Variants in DISP3 observed in about 807,000 individuals in gnomAD.
DISP3 encodes protein dispatched homolog 3.
In DISP3, 101 loss-of-function variants were observed where a neutral mutation model predicts 135.3. That is an observed-to-expected ratio of 0.75 (90% CI 0.64 to 0.88). The LOEUF (loss-of-function observed/expected upper bound fraction) is 0.88. Ranked by LOEUF, DISP3 falls within the 40% of genes least tolerant of loss-of-function variation. DISP3 has a pLI of 0.00. For missense variants in DISP3, 1,713 were observed against 1,878.6 expected, an observed-to-expected ratio of 0.91 and a Z score of 1.63; for synonymous variants, 856 against 817.0, an observed-to-expected ratio of 1.05 and a Z score of -0.81.
chr1:11,509,719 T>A (rs370799802), intron 3 of DISP3, among the ~76,000 whole-genome samples: 3 of 152,246 alleles, frequency 2.0e-5, no homozygotes, highest in East Asian at 1.9e-4. Context: ...TTGGTTCATG[T>A]TAGCATGGTA....
chr1:11,495,241 A>T (rs1218118563), intron 1 of DISP3, among the ~76,000 whole-genome samples: 1 of 152,072 alleles, frequency 6.6e-6, no homozygotes, highest in African/African-American at 2.4e-5. Flanking sequence ...AAATACAAAA[A>T]TTAGCCAGGC....
In DISP3 at chr1:11,525,205, G is replaced by A; in HGVS notation, c.2506G>A (p.Val836Met). Residue 836 changes from valine (V) to methionine (M), a missense_variant, in exon 12 of 21, where the codon GTG (valine) becomes ATG (methionine). This residue lies in a region of DISP3 where 1,142 missense variants were observed against 1,384.6 expected (regional missense o/e 0.82). Transcript: ENST00000294484. ...DFPGTVYISK[V>M]KSQGHPAVYR... The stretch of plus-strand genomic sequence containing the variant: ...CCCAGGCACCGTGTACATCTCTAAA[G>A]TGAAGAGTCAAGGCCACCCCGCTGT... 4 of 1,614,074 alleles carry A rather than the reference G, an allele frequency of 2.5e-6. No individual in the cohort carries two copies. Among genetic ancestry groups the A allele is most frequent in the Non-Finnish European group, 3.4e-6 (4 of 1,179,952 alleles).
chr1:11,502,797 C>T lies in DISP3; in HGVS notation c.1216C>T (p.Pro406Ser). ...TGAGATCCTGTTTGGAGCACCCCTG[C>T]CCAACTACTACTCAGTAGATGACCG... is the stretch of plus-strand genomic sequence containing the variant. The part of the protein sequence containing the change: ...RSEILFGAPL[P>S]NYYSVDDRWE... Residue 406 changes from proline to serine, a missense_variant, in exon 3 of 21, where the codon CCC (proline) becomes TCC (serine). Around this residue, in one of 2 missense-constraint regions of DISP3, gnomAD observed 1,142 missense variants for 1,384.6 expected, o/e 0.82. Transcript: ENST00000294484. The T allele has an allele frequency of 6.2e-7, 1 of 1,614,222 alleles. No homozygotes were observed. Among genetic ancestry groups the T allele is most frequent in the African/African-American group, 1.3e-5 (1 of 75,048 alleles).
At position 11,496,942 on chromosome 1, in the gene DISP3, G is replaced by A. The variant is rs138359378; in HGVS notation, c.-3-4048G>A. On this transcript the variant is annotated intron_variant, in intron 1 of 20. Coordinates refer to ENST00000294484, the MANE Select transcript of DISP3 (RefSeq NM_020780.2). The stretch of plus-strand genomic sequence containing the variant: ...AAAGCTGGTGGCTGGGCCAGGCCTG[G>A]AGACACGTGGGTTGACCACCAGTCT... Among the ~76,000 whole-genome samples, 3 of 152,366 alleles carry A rather than the reference G, an allele frequency of 2.0e-5. No individual in the cohort carries two copies. The East Asian group carries it at 5.8e-4, about 29-fold the overall frequency.
intron 12 of DISP3, 118 bp from the exon 13 acceptor site, chr1:11,526,532 TC>T: frequency 8.3e-7 from 1 of 1,207,932 alleles, no homozygotes; most frequent in East Asian, 2.4e-5. Context: ...TGTCCCCAAC[TC>T]CGAGGACTGG....
In DISP3 at chr1:11,501,941, A is replaced by C; in HGVS notation, c.949A>C (p.Lys317Gln). ...DHPGFREFCW[K>Q]PHEVLKDLPL... ...CCCAGGCTTCCGGGAGTTCTGCTGGAAGCCCCACGAGGTGCTCAAGGATCT... is the reference window on the plus strand; with the variant it reads ...CCCAGGCTTCCGGGAGTTCTGCTGGCAGCCCCACGAGGTGCTCAAGGATCT... The change falls in exon 2 of 21, where the codon AAG becomes CAG. Residue 317 changes from lysine to glutamine, a missense_variant. Physicochemically the swap from Lys to Gln is moderately conservative, Grantham distance 53. Transcript: ENST00000294484. This position sits in a 1 kb window ranked among gnomAD's most constrained non-coding sequence, Gnocchi z 4.9. 1 of 1,613,728 alleles carries C rather than the reference A, an allele frequency of 6.2e-7. No homozygotes were observed.
intron 10 of DISP3, 89 bp from the exon 11 acceptor site, chr1:11,523,853 C>A: frequency 9.4e-7 from 1 of 1,067,832 alleles, no homozygotes; most frequent in Non-Finnish European, 1.4e-6. Context: ...CTGAGACTGT[C>A]TCAGATCCCA....
chr1:11,515,945 C>G, intron 5 of DISP3, 56 bp from the exon 6 acceptor site: 1 of 1,587,552 alleles, frequency 6.3e-7, no homozygotes, highest in Non-Finnish European at 8.6e-7. Flanking sequence ...CAGGTTGGGC[C>G]TAATCCTGGA....
At chr1:11,490,627 T>C (rs985758044) in intron 1 of DISP3, among the ~76,000 whole-genome samples, 2 of 152,134 alleles carry the variant, frequency 1.3e-5, no homozygotes, top group African/African-American at 4.8e-5. Flanking sequence ...AAGGCTGCTT[T>C]GTGGGCTCCA....
intron 15 of DISP3, 69 bp from the exon 16 acceptor site, chr1:11,530,838 G>A (rs1642557092): frequency 1.9e-6 from 3 of 1,590,440 alleles, no homozygotes; most frequent in African/African-American, 2.7e-5. Flanking sequence ...CAGGGTTGGG[G>A]GTGAGCACCC....
intron 1 of DISP3, among the ~76,000 whole-genome samples, chr1:11,481,038 T>TTC (rs368929945): frequency 0.027 from 3,569 of 129,800 alleles, 63 homozygotes; most frequent in Non-Finnish European, 0.039. Context: ...TCCCCCAGGT[T>TTC]TCTCTCTCTC....
At position 11,501,803 on chromosome 1, in the gene DISP3, G is replaced by A. The variant is rs1377407144; in HGVS notation, c.811G>A (p.Ala271Thr). Residue 271 changes from alanine to threonine, a missense_variant, in exon 2 of 21, where the codon GCG (alanine) becomes ACG (threonine). Physicochemically the swap from Ala to Thr is moderately conservative, Grantham distance 58. Coordinates refer to ENST00000294484, the MANE Select transcript of DISP3 (RefSeq NM_020780.2). The surrounding 1 kb of genome is among the most constrained non-coding windows in gnomAD (Gnocchi z 4.9). ...TGTGAGTGCCAACACTCAGACGCAC[G>A]CGCACTGGCGCATCGAGCTCATCTT... is the stretch of plus-strand genomic sequence containing the variant. ...AYVSANTQTH[A>T]HWRIELIFLA... The A allele has an allele frequency of 3.1e-6, 5 of 1,606,498 alleles. No individual in the cohort carries two copies.
At position 11,531,867 on chromosome 1, in the gene DISP3, C is replaced by T. The variant is rs1205504517; in HGVS notation, c.3375+157C>T. The stretch of plus-strand genomic sequence containing the variant: ...TCACATAGTTAGTGGGTGTCAGTGT[C>T]GAGTGTGAAACCAGACCGCCTAACT... On this transcript the variant is annotated intron_variant, in intron 17 of 20. Transcript: ENST00000294484. This position sits in a 1 kb window ranked among gnomAD's most constrained non-coding sequence, Gnocchi z 5.2. Among the ~76,000 whole-genome samples the T allele has an allele frequency of 1.3e-5, 2 of 152,298 alleles. No individual in the cohort carries two copies. Among genetic ancestry groups the T allele is most frequent in the Non-Finnish European group, 2.9e-5 (2 of 68,014 alleles).
chr1:11,513,545 C>T (rs1387395983), intron 3 of DISP3, among the ~76,000 whole-genome samples: 2 of 111,256 alleles, frequency 1.8e-5, no homozygotes, highest in Non-Finnish European at 3.4e-5. Flanking sequence ...TCTCAGGCTG[C>T]TTTTTAAGAT....
intron 3 of DISP3, 88 bp downstream of exon 3, chr1:11,502,985 A>G (rs902751576): frequency 1.7e-6 from 2 of 1,171,550 alleles, no homozygotes; most frequent in Admixed American, 2.6e-5. Flanking sequence ...CCCTTTCCCT[A>G]TAATCTTTTC....
chr1:11,481,939 T>C (rs900427110), intron 1 of DISP3: 1 of 152,210 alleles, frequency 6.6e-6, no homozygotes, highest in African/African-American at 2.4e-5. Context: ...GCAATCTTCA[T>C]TGGGGCAGGC....
At chr1:11,484,732 T>C (rs1460889587) in intron 1 of DISP3, among the ~76,000 whole-genome samples, 1 of 152,148 alleles carries the variant, frequency 6.6e-6, no homozygotes, top group Non-Finnish European at 1.5e-5. Context: ...TGTTTCTGTA[T>C]ACAGTGAGCT....
intron 4 of DISP3, 108 bp from the exon 5 acceptor site, chr1:11,515,261 C>T: frequency 2.1e-6 from 3 of 1,420,618 alleles, no homozygotes; most frequent in African/African-American, 1.4e-5. Flanking sequence ...GAATGGTGAC[C>T]AGGGTTGGGG....
chr1:11,536,867 T>A lies in DISP3; in HGVS notation c.*181T>A, dbSNP rs1338388890. 1.5e-5 allele frequency: 13 copies of A among 891,688 alleles called. No individual in the cohort carries two copies. The highest frequency in any genetic ancestry group is 2.1e-5 in the Non-Finnish European group (13 of 616,802). The allele number at this position is 891,688 out of a possible 1,614,324, so 55.2% of individuals were successfully genotyped here. A position where few individuals can be genotyped will look rare whatever the true frequency, so the allele number is the denominator to read the frequency against. On this transcript the variant is annotated 3_prime_UTR_variant, in exon 21 of 21. Coordinates refer to ENST00000294484, the MANE Select transcript of DISP3 (RefSeq NM_020780.2). The surrounding 1 kb of genome is among the most constrained non-coding windows in gnomAD (Gnocchi z 4.3). ...CCATGCTGCCTTGTGGAGCTGGGAG[T>A]TGGAGACAGCCGCCACCCCACAGGC...
Sources: allele counts gnomAD v4.1 joint callset (sites outside exome capture counted in the v4.1 genomes callset), GRCh38; gene constraint gnomAD v4.1.1; regional missense constraint gnomAD v4.1.1; non-coding constraint Gnocchi (gnomAD v3.1); transcripts MANE v1.5; gene names NCBI Gene and HGNC (gene_info 2026-07-23, HGNC 2026-07-21).